The following KCNG3 variants were observed in gnomAD, a reference collection of about 807,000 sequenced individuals.
The protein encoded by KCNG3 is potassium voltage-gated channel modifier subfamily G member 3, also known as voltage-gated potassium channel regulatory subunit KCNG3.
KCNG3 carries 15 observed loss-of-function variants against 29.0 expected under a neutral mutation model. That is an observed-to-expected ratio of 0.52 (90% CI 0.35 to 0.80). KCNG3 has a LOEUF of 0.80. Ranked by LOEUF, KCNG3 falls within the 30% of genes least tolerant of loss-of-function variation. The probability of loss-of-function intolerance (pLI) is 0.01; values close to 1 mark genes in which losing one functional copy is unlikely to be tolerated. For missense variants in KCNG3, 512 were observed against 605.7 expected (o/e 0.85, Z 1.62); for synonymous variants, 322 against 248.9 (o/e 1.29, Z -2.76).
At chr2:42,388,554 T>G in the KCNG3 span, 1 of 152,210 alleles carries the variant, frequency 6.6e-6, no homozygotes, top group African/African-American at 2.4e-5. Context: ...CTTCCTGGCT[T>G]GTGGGCTCGG....
chr2:42,402,624 A>G, the KCNG3 span, among the ~76,000 whole-genome samples: 2 of 152,216 alleles, frequency 1.3e-5, no homozygotes, highest in African/African-American at 4.8e-5. Context: ...CTTTTTATAG[A>G]AAGTCAATTT....
At chr2:42,390,123 G>A in the KCNG3 span, among the ~76,000 whole-genome samples, 1 of 152,128 alleles carries the variant, frequency 6.6e-6, no homozygotes, top group Non-Finnish European at 1.5e-5. Context: ...TGTCATGCAG[G>A]AAACATTTAT....
Position 42,444,169 on chromosome 2 carries a change from C to T in KCNG3, c.1076G>A (p.Ser359Asn), listed in dbSNP as rs751813273. 6.2e-7 allele frequency: 1 copy of T among 1,614,198 alleles called. No homozygotes were observed. The highest frequency in any genetic ancestry group is 8.5e-7 in the Non-Finnish European group (1 of 1,180,034). Residue 359 changes from serine to asparagine, a missense_variant, in exon 2 of 2, where the codon AGC becomes AAC. Physicochemically the swap from Ser to Asn is conservative, Grantham distance 46. This residue lies in a region of KCNG3 where 173 missense variants were observed against 262.4 expected (regional missense o/e 0.66). Coordinates refer to ENST00000306078, the MANE Select transcript of KCNG3 (RefSeq NM_133329.6). The surrounding 1 kb of genome is among the most constrained non-coding windows in gnomAD (Gnocchi z 5.8). Reference sequence around the variant, plus strand: ...CACCCACCAGCAGGCAGCAGGAATGCTGGTAAAGTCCTTGTTGGATGTTTC... The same window carrying T: ...CACCCACCAGCAGGCAGCAGGAATGTTGGTAAAGTCCTTGTTGGATGTTTC... ...DLETSNKDFT[S>N]IPAACWWVII... is the part of the protein sequence containing the mutation.
At chr2:42,414,663 T>A in the KCNG3 span, among the ~76,000 whole-genome samples, 1 of 152,178 alleles carries the variant, frequency 6.6e-6, no homozygotes. Flanking sequence ...TATCTTCAAA[T>A]ATTGCTGTCT....
intron 1 of KCNG3, among the ~76,000 whole-genome samples, chr2:42,477,357 G>A (rs1234545739): frequency 1.4e-5 from 2 of 143,066 alleles, no homozygotes; most frequent in Non-Finnish European, 3.0e-5. Context: ...ATATGTGTGT[G>A]TATATACATA....
chr2:42,434,371 C>T, the KCNG3 span, among the ~76,000 whole-genome samples: 1 of 142,176 alleles, frequency 7.0e-6, no homozygotes, highest in African/African-American at 2.7e-5. Context: ...CAGGAAGATC[C>T]TTTGAGCCCA....
intron 1 of KCNG3, among the ~76,000 whole-genome samples, chr2:42,491,699 C>G (rs1673880655): frequency 6.6e-6 from 1 of 152,166 alleles, no homozygotes; most frequent in African/African-American, 2.4e-5. Flanking sequence ...GACTCCGTGG[C>G]ACTAGACAAT....
intron 1 of KCNG3, among the ~76,000 whole-genome samples, chr2:42,477,834 G>A (rs896499015): frequency 1.3e-5 from 2 of 151,770 alleles, no homozygotes; most frequent in Non-Finnish European, 2.9e-5. Flanking sequence ...AGCCAAGATC[G>A]TGCCACTGCA....
the KCNG3 span, among the ~76,000 whole-genome samples, chr2:42,432,422 G>C: frequency 5.3e-5 from 8 of 152,322 alleles, no homozygotes; most frequent in South Asian, 1.7e-3. Flanking sequence ...CGGAAATTCA[G>C]AGCTGTTTCT....
At chr2:42,475,261 CT>C (rs1295797496) in intron 1 of KCNG3, among the ~76,000 whole-genome samples, 1 of 150,968 alleles carries the variant, frequency 6.6e-6, no homozygotes, top group Non-Finnish European at 1.5e-5. Flanking sequence ...GAATTTGGTG[CT>C]TCAGTGAGTT....
At chr2:42,492,334 T>C (rs1378985628) in intron 1 of KCNG3, among the ~76,000 whole-genome samples, 1 of 152,180 alleles carries the variant, frequency 6.6e-6, no homozygotes, top group East Asian at 1.9e-4. Flanking sequence ...CTTTATAATA[T>C]AACGATTCCA....
chr2:42,466,360 C>T (rs1673140997), intron 1 of KCNG3, among the ~76,000 whole-genome samples: 1 of 152,120 alleles, frequency 6.6e-6, no homozygotes, highest in Non-Finnish European at 1.5e-5. Flanking sequence ...GAGCCAAGAT[C>T]ATGTGCCACT....
intron 1 of KCNG3, among the ~76,000 whole-genome samples, chr2:42,476,459 A>C (rs1050730247): frequency 1.3e-5 from 2 of 152,162 alleles, no homozygotes; most frequent in African/African-American, 2.4e-5. Flanking sequence ...CCTGGACAAC[A>C]GAGTGAGATC....
chr2:42,452,840 G>A (rs1672796126), intron 1 of KCNG3, among the ~76,000 whole-genome samples: 1 of 152,064 alleles, frequency 6.6e-6, no homozygotes, highest in South Asian at 2.1e-4. Flanking sequence ...GGGGTGCAGT[G>A]GTGTGATCTA....
chr2:42,474,024 C>T (rs941881032), intron 1 of KCNG3, among the ~76,000 whole-genome samples: 6 of 150,694 alleles, frequency 4.0e-5, no homozygotes, highest in African/African-American at 1.5e-4. Context: ...TGGTGGTACA[C>T]ACCTGCAGTC....
intron 1 of KCNG3, among the ~76,000 whole-genome samples, chr2:42,472,917 T>C: frequency 6.8e-6 from 1 of 147,824 alleles, no homozygotes; most frequent in African/African-American, 2.5e-5. Flanking sequence ...TTTTTTTTTT[T>C]TTGAAACAGA....
At chr2:42,405,778 T>C in the KCNG3 span, among the ~76,000 whole-genome samples, 1 of 152,092 alleles carries the variant, frequency 6.6e-6, no homozygotes, top group African/African-American at 2.4e-5. Flanking sequence ...CGGCTAATTT[T>C]TTTATTTTTA....
At chr2:42,471,287 G>A (rs1175572478) in intron 1 of KCNG3, among the ~76,000 whole-genome samples, 1 of 151,830 alleles carries the variant, frequency 6.6e-6, no homozygotes, top group African/African-American at 2.4e-5. Context: ...TGATGAATGG[G>A]TAAACAACAT....
intron 1 of KCNG3, among the ~76,000 whole-genome samples, chr2:42,465,741 G>A (rs923303559): frequency 3.3e-5 from 5 of 152,070 alleles, no homozygotes; most frequent in African/African-American, 1.2e-4. Flanking sequence ...TCTGACAAAG[G>A]ACTAGTATCC....
Sources: allele counts gnomAD v4.1 joint callset (sites outside exome capture counted in the v4.1 genomes callset), GRCh38; gene constraint gnomAD v4.1.1; regional missense constraint gnomAD v4.1.1; non-coding constraint Gnocchi (gnomAD v3.1); transcripts MANE v1.5; gene names NCBI Gene and HGNC (gene_info 2026-07-23, HGNC 2026-07-21).